Variants in CSF2RA observed in about 807,000 individuals in gnomAD.
CSF2RA encodes the protein granulocyte-macrophage colony-stimulating factor receptor subunit alpha.
Under a neutral mutation model 51.6 loss-of-function variants are expected in CSF2RA, and 42 were observed. The ratio of observed to expected loss-of-function variants is 0.81; its 90% CI spans 0.64 to 1.05. The LOEUF (loss-of-function observed/expected upper bound fraction) is 1.05, where lower values mean the gene tolerates loss of function less well. Ranked by LOEUF, CSF2RA falls within the 50% of genes least tolerant of loss-of-function variation. The pLI, the probability that CSF2RA is intolerant of heterozygous loss-of-function variation, is 0.00. For synonymous variants in CSF2RA, 222 were observed against 193.0 expected (o/e 1.15, Z -1.24); for missense variants, 530 against 501.1 (o/e 1.06, Z -0.55).
chrX:1,286,062 C>T (rs781777197), intron 4 of CSF2RA, 142 bp downstream of exon 4: 54 of 864,920 alleles, frequency 6.2e-5, no homozygotes, highest in South Asian at 4.4e-4. Flanking sequence ...CACCTGAGGT[C>T]GGGAGTTCAA....
the CSF2RA span, among the ~76,000 whole-genome samples, chrX:1,324,508 G>A: frequency 1.6e-5 from 2 of 128,092 alleles, no homozygotes; most frequent in South Asian, 2.8e-4. Flanking sequence ...GAGGGAAGGA[G>A]GAGGGAAAGA....
At chrX:1,281,629 C>T (rs1455359795) in intron 2 of CSF2RA, among the ~76,000 whole-genome samples, 2 of 151,934 alleles carry the variant, frequency 1.3e-5, no homozygotes, top group African/African-American at 4.8e-5. Context: ...TAAACATCCT[C>T]TGAGGTCCAT....
rs2148722222 is a variant in CSF2RA, at chrX:1,309,580, T to C, written c.*101T>C. ...TGAACCTTTATATCATTTTCTATGT[T>C]TTTATTTAAAAACATGACATTTGGG... On this transcript the variant is annotated 3_prime_UTR_variant, in exon 13 of 13. Coordinates refer to ENST00000381529, the MANE Select transcript of CSF2RA (RefSeq NM_172245.4). The C allele has an allele frequency of 1.9e-6, 3 of 1,613,876 alleles. No homozygotes were observed. The East Asian group carries it at 6.7e-5, about 36-fold the overall frequency.
At chrX:1,319,205 A>C in the CSF2RA span, among the ~76,000 whole-genome samples, 1 of 149,738 alleles carries the variant, frequency 6.7e-6, no homozygotes. Context: ...CATGTTGGCC[A>C]GGCTGGTGTT....
Position 1,305,907 on chromosome X carries a change from C to T in CSF2RA, c.1125+380C>T, listed in dbSNP as rs1264361684. On this transcript the variant is annotated intron_variant, in intron 12 of 12. Coordinates refer to ENST00000381529, the MANE Select transcript of CSF2RA (RefSeq NM_172245.4). ...ACCAGCCTGGCCAACGTGGTGAAAC[C>T]CCATCTCTGCTAAAAATACAAAAAA... 6.7e-6 allele frequency: 6 copies of T among 897,342 alleles called. No individual in the cohort carries two copies. The African/African-American group carries it at 8.4e-5, about 13-fold the overall frequency. The allele number at this position is 897,342 out of a possible 1,614,324, so 55.6% of individuals were successfully genotyped here.
At chrX:1,312,490 A>C (rs770933167), downstream of CSF2RA, among the ~76,000 whole-genome samples, 2 of 151,620 alleles carry the variant, frequency 1.3e-5, no homozygotes, top group East Asian at 3.9e-4. Flanking sequence ...ATATTTGGGG[A>C]CATTATTCTG....
At chrX:1,321,508 G>A in the CSF2RA span, among the ~76,000 whole-genome samples, 3 of 151,386 alleles carry the variant, frequency 2.0e-5, no homozygotes, top group East Asian at 5.9e-4. Context: ...CCAGGAGGCA[G>A]AGGTTGCGGT....
chrX:1,320,053 G>A, the CSF2RA span, among the ~76,000 whole-genome samples: 3 of 152,040 alleles, frequency 2.0e-5, no homozygotes, highest in African/African-American at 4.8e-5. Flanking sequence ...CCGCCACCAC[G>A]CCTGGCTAAT....
chrX:1,269,627 AAAAGAAAAAGAAAAAAAAAGAGAT>A (rs1204365226), intron 1 of CSF2RA, among the ~76,000 whole-genome samples: 9 of 52,750 alleles, frequency 1.7e-4, no homozygotes, highest in Non-Finnish European at 4.6e-4. Context: ...TGTCTCAAAA[AAAAGAAAAAGAAAAAAAAAGAGAT>A]GAAAAGAGAT....
Position 1,279,117 on chromosome X carries a change from G to A in CSF2RA, c.-26-3561G>A, listed in dbSNP as rs769343234. 2.6e-4 allele frequency among the ~76,000 whole-genome samples: 39 copies of A among 150,370 alleles called. 1 individual carries two copies. Among genetic ancestry groups the A allele is most frequent in the South Asian group, 2.1e-4 (1 of 4,748 alleles). On this transcript the variant is annotated intron_variant, in intron 2 of 12. Coordinates refer to ENST00000381529, the MANE Select transcript of CSF2RA (RefSeq NM_172245.4). ...TGTCATCCCATCACTTTGGGAGGCC[G>A]AGGCAGGGGGATTACTTGAGATCAG...
chrX:1,288,418 G>A, intron 4 of CSF2RA, 101 bp from the exon 5 acceptor site: 2 of 1,320,428 alleles, frequency 1.5e-6, no homozygotes, highest in South Asian at 1.2e-5. Flanking sequence ...GAAGGCGGAG[G>A]TTGTAGTGAG....
intron 9 of CSF2RA, among the ~76,000 whole-genome samples, chrX:1,298,978 C>T (rs1310244604): frequency 1.3e-5 from 2 of 152,328 alleles, no homozygotes; most frequent in East Asian, 3.9e-4. Context: ...ACGAACCCTA[C>T]AGTCTTGGTT....
At position 1,282,768 on chromosome X, in the gene CSF2RA, C is replaced by T. The variant is rs2090194272; in HGVS notation, c.65C>T (p.Pro22Leu). ...CCACACCCAGCATTCCTCCTGATCC[C>T]AGAGAAATCGGGTAAGTATGGAAAC... ...ELPHPAFLLI[P>L]EKSDLRTVAP... is the part of the protein sequence containing the mutation. The change falls in exon 3 of 13, where the codon CCA becomes CTA. Residue 22 changes from proline (P) to leucine (L), a missense_variant. By Grantham distance (98) the Pro-to-Leu change is moderately conservative. Transcript: ENST00000381529. 6.2e-7 allele frequency: 1 copy of T among 1,613,704 alleles called. No homozygotes were observed. The highest frequency in any genetic ancestry group is 1.7e-4 in the Middle Eastern group (1 of 6,056).
intron 2 of CSF2RA, among the ~76,000 whole-genome samples, chrX:1,280,931 C>CCTCCTCCTCCTT (rs1569494383): frequency 8.9e-5 from 10 of 112,644 alleles, no homozygotes; most frequent in African/African-American, 2.9e-4. Flanking sequence ...TCCTCCTTCT[C>CCTCCTCCTCCTT]CTCCTCCTCC....
chrX:1,287,430 G>C (rs1442749769), intron 4 of CSF2RA, among the ~76,000 whole-genome samples: 1 of 149,600 alleles, frequency 6.7e-6, no homozygotes, highest in Non-Finnish European at 1.5e-5. Context: ...GGCATTACAG[G>C]TGTGAGCCAC....
rs754889776 is a variant in CSF2RA, at chrX:1,294,384, G to A, written c.703G>A (p.Val235Ile). 34 of 1,613,782 alleles carry A rather than the reference G, an allele frequency of 2.1e-5. No individual in the cohort carries two copies. The highest frequency in any genetic ancestry group is 1.6e-4 in the Middle Eastern group (1 of 6,064). The change falls in exon 8 of 13, where the codon GTA becomes ATA. Residue 235 changes from valine (V) to isoleucine (I), a missense_variant. By Grantham distance (29) the Val-to-Ile change is conservative. Transcript: ENST00000381529. ...ACGTTGCAACACGACGCACTGCCTC[G>A]TACGGTGGAAACAGCCCAGGACCTA... is the stretch of plus-strand genomic sequence containing the variant. ...TVRCNTTHCL[V>I]RWKQPRTYQK... is the part of the protein sequence containing the mutation.
rs1326294041 is a variant in CSF2RA at position 1,285,945 on chromosome X, C to T, written c.219+25C>T. 8.7e-6 allele frequency: 14 copies of T among 1,613,758 alleles called. No homozygotes were observed. The Admixed American group carries it at 1.3e-4, about 15-fold the overall frequency. The stretch of plus-strand genomic sequence containing the variant: ...GGTGAGACGAATTTCCCATTCTCAA[C>T]CCCTGTCCTTTACACACCCCTTTCT... On this transcript the variant is annotated intron_variant, in intron 4 of 12. Transcript: ENST00000381529.
chrX:1,313,413 G>T (rs1334981402), downstream of CSF2RA, among the ~76,000 whole-genome samples: 1 of 151,798 alleles, frequency 6.6e-6, no homozygotes, highest in Non-Finnish European at 1.5e-5. Context: ...CAATCTGGGT[G>T]ACAGAGAGGA....
the CSF2RA span, among the ~76,000 whole-genome samples, chrX:1,319,011 T>A: frequency 7.3e-6 from 1 of 137,928 alleles, no homozygotes; most frequent in African/African-American, 2.5e-5. Context: ...TTATTTATTT[T>A]TTGAGACTGA....
Sources: gnomAD v4.1 joint callset for allele counts (sites outside exome capture counted in the v4.1 genomes callset) on GRCh38, gnomAD v4.1.1 for gene constraint, MANE v1.5 for transcripts, NCBI Gene and HGNC (gene_info 2026-07-23, HGNC 2026-07-21) for gene names.